RANBP2: variants seen among roughly 807,000 people sequenced by gnomAD.
RANBP2 encodes E3 SUMO-protein ligase RanBP2.
RANBP2 carries 57 observed loss-of-function variants against 303.6 expected under a neutral mutation model. The observed-to-expected ratio is 0.19, with a 90% CI of 0.15 to 0.23. The LOEUF is 0.23. Ranked by LOEUF, RANBP2 falls within the 10% of genes least tolerant of loss-of-function variation. RANBP2 has a pLI of 1.00. For missense variants in RANBP2, 3,138 were observed against 3,780.8 expected (o/e 0.83, Z 4.46); for synonymous variants, 1,167 against 1,301.5 (o/e 0.90, Z 2.23).
the RANBP2 span, among the ~76,000 whole-genome samples, chr2:109,065,787 G>A: frequency 7.9e-5 from 12 of 152,324 alleles, no homozygotes; most frequent in Admixed American, 2.0e-4. Flanking sequence ...TGGCCTCCGC[G>A]TCTTACGAGC....
At chr2:109,366,999 G>A in the RANBP2 span, among the ~76,000 whole-genome samples, 1 of 152,160 alleles carries the variant, frequency 6.6e-6, no homozygotes, top group African/African-American at 2.4e-5. Context: ...TCTCGCCCAG[G>A]CTGGAGTGGA....
chr2:108,934,300 T>C, the RANBP2 span, among the ~76,000 whole-genome samples: 1 of 152,144 alleles, frequency 6.6e-6, no homozygotes, highest in South Asian at 2.1e-4. Flanking sequence ...AGACTGCAGA[T>C]ACAGGCAGGA....
the RANBP2 span, among the ~76,000 whole-genome samples, chr2:109,271,108 A>G: frequency 5.6e-4 from 86 of 152,348 alleles, no homozygotes; most frequent in African/African-American, 2.0e-3. Context: ...GCACCCAGCC[A>G]GCGAACGGGG....
At chr2:109,573,778 C>G in the RANBP2 span, among the ~76,000 whole-genome samples, 1 of 152,128 alleles carries the variant, frequency 6.6e-6, no homozygotes, top group Non-Finnish European at 1.5e-5. Flanking sequence ...ATATAAAAAT[C>G]TGAAGTGAGT....
chr2:109,477,298 C>T, the RANBP2 span, among the ~76,000 whole-genome samples: 1 of 152,336 alleles, frequency 6.6e-6, no homozygotes. Context: ...CAGGCACAGC[C>T]TTCACGCCCA....
chr2:109,185,964 G>A, the RANBP2 span, among the ~76,000 whole-genome samples: 1 of 152,178 alleles, frequency 6.6e-6, no homozygotes, highest in Non-Finnish European at 1.5e-5. Flanking sequence ...GGCCAGCAGA[G>A]GCCTGGCCTT....
At chr2:108,759,528 T>A (rs1676572064) in intron 18 of RANBP2, among the ~76,000 whole-genome samples, 2 of 152,160 alleles carry the variant, frequency 1.3e-5, no homozygotes, top group East Asian at 1.9e-4. Flanking sequence ...AGATTTAGAA[T>A]AAAATCTAGT....
chr2:109,548,515 T>G, the RANBP2 span, among the ~76,000 whole-genome samples: 1 of 152,002 alleles, frequency 6.6e-6, no homozygotes, highest in Non-Finnish European at 1.5e-5. Context: ...CCAAGTTGTC[T>G]AGAAAGGGGG....
intron 23 of RANBP2, among the ~76,000 whole-genome samples, chr2:108,774,029 TC>T (rs1318533329): frequency 6.6e-6 from 1 of 152,218 alleles, no homozygotes; most frequent in Non-Finnish European, 1.5e-5. Context: ...AGTTGATGAA[TC>T]TACATTGACA....
the RANBP2 span, among the ~76,000 whole-genome samples, chr2:108,886,828 C>T: frequency 7.2e-5 from 11 of 152,286 alleles, 1 homozygote; most frequent in East Asian, 1.4e-3. Flanking sequence ...CAGATATTTT[C>T]TACTATTCAT....
the RANBP2 span, among the ~76,000 whole-genome samples, chr2:109,435,191 C>G: frequency 6.6e-6 from 1 of 152,190 alleles, no homozygotes; most frequent in South Asian, 2.1e-4. Flanking sequence ...TCGGCTGCCC[C>G]CAGGTCAGTA....
the RANBP2 span, among the ~76,000 whole-genome samples, chr2:108,927,769 A>G: frequency 9.2e-5 from 14 of 152,044 alleles, no homozygotes; most frequent in African/African-American, 3.1e-4. Flanking sequence ...TAGTCCCCTC[A>G]AATTCCACAC....
rs184516190 is a variant in RANBP2, at chr2:108,738,507, G to C, written c.783-1982G>C. ...TCCAAAGTGCTGGGATTGCAGGTCT[G>C]AGCCACTGCACCCGGCTGTATGTGG... On this transcript the variant is annotated intron_variant, in intron 6 of 28. Coordinates refer to ENST00000283195, the MANE Select transcript of RANBP2 (RefSeq NM_006267.5). Among the ~76,000 whole-genome samples, 487 of 152,246 alleles carry C rather than the reference G, an allele frequency of 3.2e-3. 2 individuals carry two copies. Among genetic ancestry groups the C allele is most frequent in the African/African-American group, 0.011 (445 of 41,538 alleles).
At chr2:108,748,501 A>G (rs1469603953) in intron 8 of RANBP2, among the ~76,000 whole-genome samples, 13 of 151,516 alleles carry the variant, frequency 8.6e-5, no homozygotes, top group Non-Finnish European at 1.5e-4. Flanking sequence ...GATTACAGGC[A>G]TGAGCCACCG....
chr2:109,517,175 G>C, the RANBP2 span, among the ~76,000 whole-genome samples: 1 of 146,296 alleles, frequency 6.8e-6, no homozygotes, highest in African/African-American at 2.8e-5. Flanking sequence ...ATGTGCAAAG[G>C]GTATACACAG....
the RANBP2 span, among the ~76,000 whole-genome samples, chr2:109,329,021 T>C: frequency 6.6e-6 from 1 of 152,194 alleles, no homozygotes; most frequent in Non-Finnish European, 1.5e-5. Context: ...ATTGGCCATG[T>C]GTCCACAGAG....
the RANBP2 span, among the ~76,000 whole-genome samples, chr2:109,722,476 T>G: frequency 2.0e-4 from 31 of 152,354 alleles, no homozygotes; most frequent in African/African-American, 7.5e-4. Context: ...CCTTCTCTTT[T>G]GTTTCAATTT....
chr2:109,182,055 G>A, the RANBP2 span, among the ~76,000 whole-genome samples: 6 of 152,248 alleles, frequency 3.9e-5, no homozygotes, highest in East Asian at 7.7e-4. Context: ...TATGTATGCC[G>A]TAAACCTGAA....
chr2:108,851,270 C>G, the RANBP2 span, among the ~76,000 whole-genome samples: 1 of 152,046 alleles, frequency 6.6e-6, no homozygotes, highest in Non-Finnish European at 1.5e-5. Context: ...GCTCTCTGAA[C>G]CCATTTCTCT....
Sources: gnomAD v4.1 joint callset for allele counts (sites outside exome capture counted in the v4.1 genomes callset) on GRCh38, gnomAD v4.1.1 for gene constraint, MANE v1.5 for transcripts, NCBI Gene and HGNC (gene_info 2026-07-23, HGNC 2026-07-21) for gene names.